KCNIP4: variants seen among roughly 807,000 people sequenced by gnomAD.
KCNIP4 encodes the protein potassium voltage-gated channel interacting protein 4.
A neutral mutation model predicts 34.0 loss-of-function variants in KCNIP4; 12 were observed. That is an observed-to-expected ratio of 0.35 (90% CI 0.23 to 0.57). The LOEUF (loss-of-function observed/expected upper bound fraction) is 0.57, where lower values mean the gene tolerates loss of function less well. Among genes scored for constraint, KCNIP4 ranks in the 20% least tolerant of loss-of-function variants. The pLI is 0.83. For missense variants in KCNIP4, 238 were observed against 311.7 expected, an observed-to-expected ratio of 0.76 and a Z score of 1.78; for synonymous variants, 124 against 102.2, an observed-to-expected ratio of 1.21 and a Z score of -1.29.
chr4:21,434,598 C>T (rs1237173221), intron 1 of KCNIP4, among the ~76,000 whole-genome samples: 1 of 151,974 alleles, frequency 6.6e-6, no homozygotes, highest in African/African-American at 2.4e-5. Context: ...TGAGCTCTGC[C>T]TCCTGTCAGC....
chr4:21,034,017 A>G (rs895554867), intron 1 of KCNIP4, among the ~76,000 whole-genome samples: 20 of 152,374 alleles, frequency 1.3e-4, no homozygotes, highest in African/African-American at 3.6e-4. Context: ...CATGATAAAT[A>G]TAATTCTATT....
chr4:21,055,878 T>C (rs972438086), intron 1 of KCNIP4, among the ~76,000 whole-genome samples: 2 of 152,222 alleles, frequency 1.3e-5, no homozygotes, highest in Non-Finnish European at 2.9e-5. Context: ...TCATTATACA[T>C]ACATTTGTTA....
intron 1 of KCNIP4, among the ~76,000 whole-genome samples, chr4:21,307,757 CT>C (rs11394811): frequency 2.6e-5 from 4 of 151,588 alleles, no homozygotes; most frequent in African/African-American, 7.3e-5. Context: ...GATTTCCATA[CT>C]TTTTTTTTAG....
chr4:21,373,453 G>C (rs1194641134), intron 1 of KCNIP4, among the ~76,000 whole-genome samples: 1 of 147,560 alleles, frequency 6.8e-6, no homozygotes, highest in African/African-American at 2.7e-5. Context: ...ACAGAAGTTT[G>C]TGTTGTAGAA....
chr4:21,417,672 G>A (rs9990820), intron 1 of KCNIP4, among the ~76,000 whole-genome samples: 1,578 of 152,194 alleles, frequency 0.01, 27 homozygotes, highest in African/African-American at 0.036. Flanking sequence ...CAGAGAGCAC[G>A]GTGTTTTTAG....
chr4:21,080,576 TA>T (rs1745915495), intron 1 of KCNIP4, among the ~76,000 whole-genome samples: 1 of 151,880 alleles, frequency 6.6e-6, no homozygotes, highest in East Asian at 1.9e-4. Context: ...TTTTGAACAA[TA>T]AATTTACAGA....
chr4:21,837,539 A>AG (rs1723414617), intron 1 of KCNIP4, among the ~76,000 whole-genome samples: 1 of 145,310 alleles, frequency 6.9e-6, no homozygotes, highest in Admixed American at 7.1e-5. Context: ...TGTCAAAAAA[A>AG]AAAAAAAAGA....
At chr4:21,095,251 C>T (rs1747360232) in intron 1 of KCNIP4, among the ~76,000 whole-genome samples, 1 of 152,126 alleles carries the variant, frequency 6.6e-6, no homozygotes, top group Admixed American at 6.5e-5. Context: ...AGTGAGCAAG[C>T]TGGTTTGGGA....
chr4:20,875,166 G>A (rs994798136), intron 2 of KCNIP4, among the ~76,000 whole-genome samples: 3 of 151,964 alleles, frequency 2.0e-5, no homozygotes, highest in South Asian at 2.1e-4. Context: ...TGTGTATGAC[G>A]GTCCCATGTT....
At chr4:21,914,865 A>G (rs996084736) in intron 1 of KCNIP4, among the ~76,000 whole-genome samples, 7 of 152,200 alleles carry the variant, frequency 4.6e-5, no homozygotes, top group Non-Finnish European at 1.0e-4. Flanking sequence ...TATTTTTTGA[A>G]TGAATGGATG....
At chr4:21,682,947 G>A (rs1750493896) in intron 1 of KCNIP4, among the ~76,000 whole-genome samples, 2 of 152,246 alleles carry the variant, frequency 1.3e-5, no homozygotes, top group Non-Finnish European at 2.9e-5. Context: ...ATATTGCAAC[G>A]ATCATAATGT....
At chr4:21,504,477 AAGAAAGAAAGAAAG>A (rs1359580913) in intron 1 of KCNIP4, among the ~76,000 whole-genome samples, 3 of 110,154 alleles carry the variant, frequency 2.7e-5, no homozygotes, top group African/African-American at 7.8e-5. Flanking sequence ...AAAAAAAAAA[AAGAAAGAAAGAAAG>A]AAAGAAAGAA....
chr4:21,139,744 TCC>T (rs1231108154), intron 1 of KCNIP4, among the ~76,000 whole-genome samples: 1 of 35,098 alleles, frequency 2.8e-5, no homozygotes, highest in Admixed American at 2.1e-4. Context: ...TTTCTCTCCG[TCC>T]GTCCATAGAT....
At chr4:21,455,935 T>C (rs1728925691) in intron 1 of KCNIP4, among the ~76,000 whole-genome samples, 1 of 137,946 alleles carries the variant, frequency 7.2e-6, no homozygotes, top group Admixed American at 7.0e-5. Context: ...AAGTTGAACA[T>C]TTAGTAAGTG....
At chr4:21,617,595 G>T (rs898413690) in intron 1 of KCNIP4, among the ~76,000 whole-genome samples, 3 of 152,102 alleles carry the variant, frequency 2.0e-5, no homozygotes, top group Non-Finnish European at 4.4e-5. Flanking sequence ...TGCTCACAAT[G>T]ATTTTCCTGC....
intron 1 of KCNIP4, among the ~76,000 whole-genome samples, chr4:20,995,202 C>T (rs968253969): frequency 2.6e-5 from 4 of 152,134 alleles, no homozygotes; most frequent in Admixed American, 2.0e-4. Flanking sequence ...GGCATTCTGG[C>T]TCCATGCCAA....
chr4:21,027,981 C>T (rs1577560606), intron 1 of KCNIP4, among the ~76,000 whole-genome samples: 2 of 152,166 alleles, frequency 1.3e-5, no homozygotes, highest in Non-Finnish European at 2.9e-5. Context: ...TAATAGACAT[C>T]TCACAATCAC....
At chr4:21,148,462 C>A (rs1327559074) in intron 1 of KCNIP4, among the ~76,000 whole-genome samples, 2 of 152,086 alleles carry the variant, frequency 1.3e-5, no homozygotes, top group Non-Finnish European at 2.9e-5. Context: ...TTTACGCATC[C>A]AATGATGATA....
intron 1 of KCNIP4, among the ~76,000 whole-genome samples, chr4:21,609,871 T>C (rs1744014922): frequency 6.6e-6 from 1 of 152,220 alleles, no homozygotes; most frequent in Non-Finnish European, 1.5e-5. Flanking sequence ...TTGTAAGATA[T>C]ATTTTATTAG....
Sources: gnomAD v4.1 joint callset for allele counts (sites outside exome capture counted in the v4.1 genomes callset) on GRCh38, gnomAD v4.1.1 for gene constraint, MANE v1.5 for transcripts, NCBI Gene and HGNC (gene_info 2026-07-23, HGNC 2026-07-21) for gene names.